Variants in ALCAM observed in about 807,000 individuals in gnomAD.
The protein encoded by ALCAM is activated leukocyte cell adhesion molecule.
Under a neutral mutation model 70.9 loss-of-function variants are expected in ALCAM, and 30 were observed. The observed-to-expected ratio is 0.42, with a 90% CI of 0.32 to 0.57. The LOEUF (loss-of-function observed/expected upper bound fraction) is 0.57, where lower values mean the gene tolerates loss of function less well. ALCAM is among the 20% of genes least tolerant of loss of function. ALCAM has a pLI of 0.11. For synonymous variants in ALCAM, 249 were observed against 242.5 expected, an observed-to-expected ratio of 1.03 and a Z score of -0.25; for missense variants, 591 against 695.1, an observed-to-expected ratio of 0.85 and a Z score of 1.68.
chr3:105,561,417 A>T (rs1441278385), intron 14 of ALCAM, among the ~76,000 whole-genome samples: 9 of 152,214 alleles, frequency 5.9e-5, no homozygotes, highest in Middle Eastern at 3.4e-3. Context: ...ACACGGCTGA[A>T]TAGAAATGTT....
intron 1 of ALCAM, among the ~76,000 whole-genome samples, chr3:105,480,605 T>A (rs1938245983): frequency 6.6e-6 from 1 of 152,116 alleles, no homozygotes; most frequent in South Asian, 2.1e-4. Context: ...ACCATGGCAG[T>A]CATCTGGAAT....
At chr3:105,472,261 C>CTT (rs1428016145) in intron 1 of ALCAM, among the ~76,000 whole-genome samples, 1 of 151,316 alleles carries the variant, frequency 6.6e-6, no homozygotes, top group Non-Finnish European at 1.5e-5. Context: ...TTTATTTGAA[C>CTT]TTTTCTGGTT....
At chr3:105,428,404 T>A (rs2107431700) in intron 1 of ALCAM, among the ~76,000 whole-genome samples, 1 of 152,112 alleles carries the variant, frequency 6.6e-6, no homozygotes, top group South Asian at 2.1e-4. Context: ...AAGTTCATCT[T>A]TCTAATATAT....
chr3:105,425,337 T>TGAGCA (rs1177656157), intron 1 of ALCAM, among the ~76,000 whole-genome samples: 1 of 151,756 alleles, frequency 6.6e-6, no homozygotes, highest in Non-Finnish European at 1.5e-5. Context: ...TACCTAGGCT[T>TGAGCA]GAGCAGGGCA....
At chr3:105,562,477 A>G (rs1220196585) in intron 14 of ALCAM, among the ~76,000 whole-genome samples, 1 of 152,202 alleles carries the variant, frequency 6.6e-6, no homozygotes, top group Non-Finnish European at 1.5e-5. Flanking sequence ...GCATTCTTGA[A>G]ATACATCTTA....
chr3:105,404,421 G>T (rs1462449046), intron 1 of ALCAM, among the ~76,000 whole-genome samples: 2 of 152,064 alleles, frequency 1.3e-5, no homozygotes, highest in Non-Finnish European at 2.9e-5. Context: ...AGGGATTGGG[G>T]TCCTATTTTT....
intron 14 of ALCAM, 49 bp downstream of exon 14, chr3:105,552,634 G>C (rs764459173): frequency 6.2e-7 from 1 of 1,609,402 alleles, no homozygotes; most frequent in East Asian, 2.2e-5. Flanking sequence ...TTCACTGGGA[G>C]AAAATACAAT....
chr3:105,510,803 G>A (rs1255865351), intron 1 of ALCAM, among the ~76,000 whole-genome samples: 2 of 152,002 alleles, frequency 1.3e-5, no homozygotes, highest in African/African-American at 4.8e-5. Context: ...GTGATAGCTA[G>A]TCTTCCAAAA....
At chr3:105,427,809 T>TA (rs1936829110) in intron 1 of ALCAM, among the ~76,000 whole-genome samples, 1 of 151,942 alleles carries the variant, frequency 6.6e-6, no homozygotes, top group African/African-American at 2.4e-5. Flanking sequence ...TTGGCTTCCA[T>TA]AGGCTCTTCT....
chr3:105,571,809 A>C (rs1281322810), intron 14 of ALCAM, 43 bp from the exon 15 acceptor site: 5 of 1,332,182 alleles, frequency 3.8e-6, no homozygotes, highest in Non-Finnish European at 4.2e-6. Flanking sequence ...AAAGTTGAAC[A>C]TGTATGTGTC....
chr3:105,436,288 AG>A (rs1159148460), intron 1 of ALCAM, among the ~76,000 whole-genome samples: 8 of 152,216 alleles, frequency 5.3e-5, no homozygotes, highest in Non-Finnish European at 1.5e-5. Context: ...TTAGGATGGC[AG>A]GGATTAAAAT....
intron 1 of ALCAM, among the ~76,000 whole-genome samples, chr3:105,400,472 C>T (rs2107370304): frequency 6.6e-6 from 1 of 152,140 alleles, no homozygotes; most frequent in Middle Eastern, 3.4e-3. Context: ...CTTTAATAGA[C>T]TGAGCATAAT....
chr3:105,397,229 A>C (rs1935977768), intron 1 of ALCAM, among the ~76,000 whole-genome samples: 1 of 152,090 alleles, frequency 6.6e-6, no homozygotes, highest in Admixed American at 6.6e-5. Flanking sequence ...TTTAAGCTTT[A>C]CAGATAAATA....
intron 1 of ALCAM, among the ~76,000 whole-genome samples, chr3:105,489,600 T>C (rs891997151): frequency 6.6e-6 from 1 of 152,154 alleles, no homozygotes; most frequent in African/African-American, 2.4e-5. Context: ...TTTAGAAAAA[T>C]TGTCATCTAA....
chr3:105,467,326 T>G (rs1937772430), intron 1 of ALCAM, among the ~76,000 whole-genome samples: 1 of 151,204 alleles, frequency 6.6e-6, no homozygotes, highest in Admixed American at 6.6e-5. Flanking sequence ...AGTTATTTCG[T>G]GAACATGGAA....
intron 9 of ALCAM, 62 bp downstream of exon 9, chr3:105,545,397 C>A: frequency 8.5e-7 from 1 of 1,174,508 alleles, no homozygotes; most frequent in Non-Finnish European, 1.3e-6. Context: ...GTTTCTTATG[C>A]ACTTTATATT....
At chr3:105,527,612 A>G (rs1939737450) in intron 3 of ALCAM, among the ~76,000 whole-genome samples, 1 of 152,032 alleles carries the variant, frequency 6.6e-6, no homozygotes, top group African/African-American at 2.4e-5. Flanking sequence ...AAAAAAGAAA[A>G]CAGAGGAGTT....
At chr3:105,520,694 A>G (rs1576217830) in intron 2 of ALCAM, among the ~76,000 whole-genome samples, 2 of 152,142 alleles carry the variant, frequency 1.3e-5, no homozygotes, top group Admixed American at 1.3e-4. Context: ...TATTTCTTGC[A>G]GATAGTAAAA....
chr3:105,425,226 A>G (rs1305012150), intron 1 of ALCAM, among the ~76,000 whole-genome samples: 1 of 151,788 alleles, frequency 6.6e-6, no homozygotes, highest in Non-Finnish European at 1.5e-5. Context: ...GTGAGTCTCT[A>G]TGAAAAATTA....
Sources: gnomAD v4.1 joint callset for allele counts (sites outside exome capture counted in the v4.1 genomes callset) on GRCh38, gnomAD v4.1.1 for gene constraint, MANE v1.5 for transcripts, NCBI Gene and HGNC (gene_info 2026-07-23, HGNC 2026-07-21) for gene names.